The following NOS3 variants were observed in gnomAD, a reference collection of about 807,000 sequenced individuals.
NOS3 encodes the protein NOS type III.
Under a neutral mutation model 144.9 loss-of-function variants are expected in NOS3, and 98 were observed. The ratio of observed to expected loss-of-function variants is 0.68; its 90% CI spans 0.57 to 0.80. The LOEUF is 0.80. NOS3 is among the 30% of genes least tolerant of loss of function. The probability of loss-of-function intolerance (pLI) is 0.00; values close to 1 mark genes in which losing one functional copy is unlikely to be tolerated. For missense variants in NOS3, 1,465 were observed against 1,656.4 expected, an observed-to-expected ratio of 0.88 and a Z score of 2.01; for synonymous variants, 714 against 702.4, an observed-to-expected ratio of 1.02 and a Z score of -0.26.
intron 14 of NOS3, among the ~76,000 whole-genome samples, chr7:151,005,588 C>T (rs925239597): frequency 2.0e-5 from 3 of 152,188 alleles, no homozygotes; most frequent in African/African-American, 7.2e-5. Flanking sequence ...CCTGCAGCTG[C>T]GAGGACGATC....
Position 151,013,756 on chromosome 7 carries a change from G to A in NOS3, c.3288G>A (p.Leu1096=), listed in dbSNP as rs774430177. Residue 1096 remains leucine (L), a synonymous_variant, in exon 26 of 27, where the codon CTG becomes CTA. Transcript: ENST00000297494. ...TYVQDILRTE[L]AAEVHRVLCL... ...TGCAGGACATCCTGAGGACGGAGCT[G>A]GCTGCGGAGGTGCACCGCGTGCTGT... 2.9e-5 allele frequency: 47 copies of A among 1,610,870 alleles called. No individual in the cohort carries two copies. Among genetic ancestry groups the A allele is most frequent in the Non-Finnish European group, 9.3e-6 (11 of 1,179,204 alleles).
Position 151,007,058 on chromosome 7 carries a change from C to T in NOS3, c.1938-44C>T, listed in dbSNP as rs372459358. On this transcript the variant is annotated intron_variant, in intron 16 of 26. Coordinates refer to ENST00000297494, the MANE Select transcript of NOS3 (RefSeq NM_000603.5). Reference sequence around the variant, plus strand: ...CGGGTGGGCAAGCTGCCTGGGCAAACGTGGCCTGCAAAGGGAGCTCCACTG... The same window carrying T: ...CGGGTGGGCAAGCTGCCTGGGCAAATGTGGCCTGCAAAGGGAGCTCCACTG... 63 of 1,613,932 alleles carry T rather than the reference C, an allele frequency of 3.9e-5. No homozygotes were observed. The African/African-American group carries it at 6.9e-4, about 18-fold the overall frequency.
At position 151,007,241 on chromosome 7, in the gene NOS3, G is replaced by T; in HGVS notation, c.2077G>T (p.Glu693Ter). The T allele has an allele frequency of 6.2e-7, 1 of 1,605,364 alleles. No homozygotes were observed. Among genetic ancestry groups the T allele is most frequent in the Non-Finnish European group, 8.5e-7 (1 of 1,178,652 alleles). ...GGGCGACGAGCTGTGCGGCCAGGAG[G>T]AGGCCTTCCGAGGCTGGGCCCAGGC... Reference protein sequence around the residue: ...GQGDELCGQEEAFRGWAQAAF... With the variant: ...GQGDELCGQE Residue 693 changes from glutamate to a stop codon, truncating the protein, a stop_gained, in exon 17 of 27, where the codon GAG becomes TAG. Coordinates refer to ENST00000297494, the MANE Select transcript of NOS3 (RefSeq NM_000603.5). LOFTEE classifies it high-confidence loss of function.
chr7:151,002,626 G>A lies in NOS3; in HGVS notation c.1752+322G>A, dbSNP rs1795135114. Among the ~76,000 whole-genome samples, 1 of 152,132 alleles carries A rather than the reference G, an allele frequency of 6.6e-6. No homozygotes were observed. Among genetic ancestry groups the A allele is most frequent in the Admixed American group, 6.6e-5 (1 of 15,262 alleles). ...TTTTAATACAAGGAAGGCACATCCT[G>A]GCTGACCAAGAGGTTAGACTGTGCT... On this transcript the variant is annotated intron_variant, in intron 14 of 26. Coordinates refer to ENST00000297494, the MANE Select transcript of NOS3 (RefSeq NM_000603.5). This position sits in a 1 kb window ranked among gnomAD's most constrained non-coding sequence, Gnocchi z 4.1.
chr7:151,007,948 T>C (rs1387548431), intron 17 of NOS3, among the ~76,000 whole-genome samples: 2 of 151,918 alleles, frequency 1.3e-5, no homozygotes, highest in Admixed American at 1.3e-4. Context: ...TTTGCCTTGA[T>C]TGGAGGAGGA....
chr7:150,995,414 T>C lies in NOS3; in HGVS notation c.270+100T>C, dbSNP rs528320623. ...GAGGGAAGCTCAACCCTTCTTTGAA[T>C]TGGTCCCTTGTTTCCAAAAAGAGGA... On this transcript the variant is annotated intron_variant, in intron 3 of 26. Coordinates refer to ENST00000297494, the MANE Select transcript of NOS3 (RefSeq NM_000603.5). 4 of 716,682 alleles carry C rather than the reference T, an allele frequency of 5.6e-6. No individual in the cohort carries two copies. The East Asian group carries it at 1.1e-4, about 20-fold the overall frequency. The allele number at this position is 716,682 out of a possible 1,614,324, so 44.4% of individuals were successfully genotyped here. A position where few individuals can be genotyped will look rare whatever the true frequency, so the allele number is the denominator to read the frequency against.
Position 150,999,264 on chromosome 7 carries a change from G to A in NOS3, c.1031G>A (p.Gly344Glu). 1 of 1,612,254 alleles carries A rather than the reference G, an allele frequency of 6.2e-7. No individual in the cohort carries two copies. Among genetic ancestry groups the A allele is most frequent in the Non-Finnish European group, 8.5e-7 (1 of 1,179,778 alleles). ...GTGTCCAACATGCTGCTGGAAATTG[G>A]GGGCCTGGAGTTCCCCGCAGCCCCC... Reference protein sequence around the residue: ...PAVSNMLLEIGGLEFPAAPFS... With the variant: ...PAVSNMLLEIEGLEFPAAPFS... Residue 344 changes from glycine to glutamate, a missense_variant, in exon 9 of 27, where the codon GGG becomes GAG. By Grantham distance (98) the Gly-to-Glu change is moderately conservative. This residue lies in a region of NOS3 where 745 missense variants were observed against 853.9 expected (regional missense o/e 0.87). Transcript: ENST00000297494.
At chr7:150,992,998 C>A (rs1470279311) in intron 1 of NOS3, among the ~76,000 whole-genome samples, 1 of 152,196 alleles carries the variant, frequency 6.6e-6, no homozygotes, top group Non-Finnish European at 1.5e-5. Context: ...GGCCGGCTGA[C>A]CCTGCCTCAG....
In NOS3 at chr7:151,014,202, G is replaced by A; in HGVS notation, c.*33G>A. The A allele has an allele frequency of 3.2e-6, 5 of 1,573,610 alleles. No homozygotes were observed. The highest frequency in any genetic ancestry group is 3.5e-6 in the Non-Finnish European group (4 of 1,158,778). On this transcript the variant is annotated 3_prime_UTR_variant, in exon 27 of 27. Transcript: ENST00000297494. Reference sequence around the variant, plus strand: ...CTGGCTTTCCCTTCCAGTTCCGGGAGAGCGGCTGCCCGACTCAGGTCCGCC... The same window carrying A: ...CTGGCTTTCCCTTCCAGTTCCGGGAAAGCGGCTGCCCGACTCAGGTCCGCC...
chr7:150,999,049 C>T lies in NOS3; in HGVS notation c.920C>T (p.Pro307Leu). 1 of 1,612,618 alleles carries T rather than the reference C, an allele frequency of 6.2e-7. No homozygotes were observed. Among genetic ancestry groups the T allele is most frequent in the Non-Finnish European group, 8.5e-7 (1 of 1,179,898 alleles). ...DDPPELFLLP[P>L]ELVLEVPLEH... ...CCCCCAGAACTCTTCCTTCTGCCCC[C>T]CGAGCTGGTCCTTGAGGTGCCCCTG... The change falls in exon 8 of 27, where the codon CCC becomes CTC. Residue 307 changes from proline to leucine, a missense_variant. Pro to Leu is a moderately conservative substitution (Grantham distance 98, BLOSUM62 -3). Coordinates refer to ENST00000297494, the MANE Select transcript of NOS3 (RefSeq NM_000603.5).
chr7:151,000,788 C>A, intron 10 of NOS3, among the ~76,000 whole-genome samples, 189 bp downstream of exon 10: 1 of 152,278 alleles, frequency 6.6e-6, no homozygotes, highest in Middle Eastern at 3.4e-3. Flanking sequence ...CTATTCCAGG[C>A]GCTGTCATCT....
chr7:151,010,362 C>A, intron 21 of NOS3, 75 bp downstream of exon 21: 1 of 1,421,152 alleles, frequency 7.0e-7, no homozygotes, highest in Non-Finnish European at 9.6e-7. Context: ...GGCAGGAAAC[C>A]CCCATGCAAA....
chr7:151,009,038 G>C lies in NOS3; in HGVS notation c.2221G>C (p.Ala741Pro). The C allele has an allele frequency of 1.2e-6, 2 of 1,612,716 alleles. No homozygotes were observed. Among genetic ancestry groups the C allele is most frequent in the Non-Finnish European group, 1.7e-6 (2 of 1,179,602 alleles). Reference protein sequence around the residue: ...KRQRYRLSAQAEGLQLLPGLI... With the variant: ...KRQRYRLSAQPEGLQLLPGLI... Reference sequence around the variant, plus strand: ...CCAGAGGTACCGGCTGAGCGCCCAGGCCGAGGGCCTGCAGTTGCTGCCAGG... The same window carrying C: ...CCAGAGGTACCGGCTGAGCGCCCAGCCCGAGGGCCTGCAGTTGCTGCCAGG... Residue 741 changes from alanine (A) to proline (P), a missense_variant, in exon 18 of 27, where the codon GCC becomes CCC. By Grantham distance (27) the Ala-to-Pro change is conservative. Around this residue, in one of 5 missense-constraint regions of NOS3, gnomAD observed 745 missense variants for 853.9 expected, o/e 0.87. Transcript: ENST00000297494.
rs73472515 is a variant in NOS3 at position 150,991,587 on chromosome 7, G to A, written c.-52+287G>A. Among the ~76,000 whole-genome samples the A allele has an allele frequency of 5.4e-3, 823 of 152,342 alleles. 7 individuals carry two copies. Among genetic ancestry groups the A allele is most frequent in the African/African-American group, 0.019 (771 of 41,580 alleles). On this transcript the variant is annotated intron_variant, in intron 1 of 26. Transcript: ENST00000297494. The stretch of plus-strand genomic sequence containing the variant: ...TGAGGGTTTTGGGTAGTGCCAAAGC[G>A]TAAGGTAAGCCCTGCTTTCCAGAAG...
Position 151,002,251 on chromosome 7 carries a change from G to C in NOS3, c.1699G>C (p.Val567Leu). ...DVVSLEHETL[V>L]LVVTSTFGNG... ...GGTGTCCCTCGAACACGAGACGCTG[G>C]TGCTGGTGGTAACCAGCACATTTGG... is the stretch of plus-strand genomic sequence containing the variant. The change falls in exon 14 of 27, where the codon GTG (valine) becomes CTG (leucine). Residue 567 changes from valine to leucine, a missense_variant. By Grantham distance (32) the Val-to-Leu change is conservative. Coordinates refer to ENST00000297494, the MANE Select transcript of NOS3 (RefSeq NM_000603.5). This position sits in a 1 kb window ranked among gnomAD's most constrained non-coding sequence, Gnocchi z 4.1. 2 of 1,601,770 alleles carry C rather than the reference G, an allele frequency of 1.2e-6. No homozygotes were observed. The highest frequency in any genetic ancestry group is 1.7e-6 in the Non-Finnish European group (2 of 1,174,214).
intron 17 of NOS3, among the ~76,000 whole-genome samples, chr7:151,008,426 C>G (rs1795238938): frequency 6.6e-6 from 1 of 152,202 alleles, no homozygotes; most frequent in Non-Finnish European, 1.5e-5. Flanking sequence ...GGATCTGCCC[C>G]GTGGGGTCCC....
At chr7:151,007,838 C>A (rs1795229956) in intron 17 of NOS3, among the ~76,000 whole-genome samples, 1 of 152,166 alleles carries the variant, frequency 6.6e-6, no homozygotes. Context: ...TGCTGCCTGT[C>A]TGGGGATCAT....
Position 150,991,313 on chromosome 7 carries a change from T to TGCAG in NOS3, c.-52+13_-52+14insGCAG, listed in dbSNP as rs1802250579. The TGCAG allele has an allele frequency of 6.6e-6, 1 of 152,226 alleles. No homozygotes were observed. The highest frequency in any genetic ancestry group is 2.4e-5 in the African/African-American group (1 of 41,438). The allele number at this position is 152,226 out of a possible 1,614,324, so 9.4% of individuals were successfully genotyped here. ...CCTTCTGCAGCAGGTACCTGCTCTC[T>TGCAG]AAGAGGGAGGCCTGGGTGGTGCACC... On this transcript the variant is annotated intron_variant, in intron 1 of 26. Transcript: ENST00000297494.
At position 150,998,381 on chromosome 7, in the gene NOS3, T is replaced by C. The variant is rs1436044768; in HGVS notation, c.607T>C (p.Ser203Pro). The change falls in exon 6 of 27, where the codon TCT becomes CCT. Residue 203 changes from serine to proline, a missense_variant. Physicochemically the swap from Ser to Pro is moderately conservative, Grantham distance 74. This residue lies in a region of NOS3 where 374 missense variants were observed against 377.0 expected (regional missense o/e 0.99). Transcript: ENST00000297494. The surrounding 1 kb of genome is among the most constrained non-coding windows in gnomAD (Gnocchi z 5.0). ...GGTGTTCGATGCCCGGGACTGCAGG[T>C]CTGCACAGGAAATGTTCACCTACAT... ...LQVFDARDCR[S>P]AQEMFTYICN... 6.2e-7 allele frequency: 1 copy of C among 1,612,346 alleles called. No individual in the cohort carries two copies. Among genetic ancestry groups the C allele is most frequent in the South Asian group, 1.1e-5 (1 of 91,026 alleles).
Sources: allele counts gnomAD v4.1 joint callset (sites outside exome capture counted in the v4.1 genomes callset), GRCh38; gene constraint gnomAD v4.1.1; regional missense constraint gnomAD v4.1.1; non-coding constraint Gnocchi (gnomAD v3.1); transcripts MANE v1.5; gene names NCBI Gene and HGNC (gene_info 2026-07-23, HGNC 2026-07-21).